The following TTLL5 variants were observed in gnomAD, a reference collection of about 807,000 sequenced individuals.
TTLL5 encodes the protein tubulin tyrosine ligase like 5, also known as tubulin polyglutamylase TTLL5.
TTLL5 carries 132 observed loss-of-function variants against 168.4 expected under a neutral mutation model. The ratio of observed to expected loss-of-function variants is 0.78; its 90% CI spans 0.68 to 0.91. The LOEUF (loss-of-function observed/expected upper bound fraction) is 0.91, where lower values mean the gene tolerates loss of function less well. Among genes scored for constraint, TTLL5 ranks in the 40% least tolerant of loss-of-function variants. The pLI is 0.00. For missense variants in TTLL5, 1,545 were observed against 1,581.5 expected, an observed-to-expected ratio of 0.98 and a Z score of 0.39; for synonymous variants, 546 against 558.6, an observed-to-expected ratio of 0.98 and a Z score of 0.32.
At chr14:75,869,789 A>G (rs2030858097) in intron 29 of TTLL5, among the ~76,000 whole-genome samples, 1 of 149,304 alleles carries the variant, frequency 6.7e-6, no homozygotes, top group Non-Finnish European at 1.5e-5. Flanking sequence ...TATTACATAA[A>G]TTCTAACTTG....
intron 26 of TTLL5, among the ~76,000 whole-genome samples, chr14:75,788,133 A>G (rs1892483803): frequency 6.6e-6 from 1 of 152,180 alleles, no homozygotes; most frequent in African/African-American, 2.4e-5. Context: ...AAATAAATAA[A>G]TAAATAAGTA....
chr14:75,690,391 T>TCCTCAAAAG, intron 6 of TTLL5, 69 bp downstream of exon 6: 1 of 1,521,446 alleles, frequency 6.6e-7, no homozygotes, highest in Admixed American at 2.4e-5. Context: ...CCCAAAAGCC[T>TCCTCAAAAG]CCTCAAGGTG....
In TTLL5 at chr14:75,792,959, A is replaced by G; in HGVS notation, c.3030A>G (p.Thr1010=). The change falls in exon 27 of 32, where the codon ACA becomes ACG. Residue 1010 remains threonine (T), a synonymous_variant. Transcript: ENST00000298832. ...AGCATCATTCAGGAATAGCCAAAAC[A>G]CAAAAAGAGGGAGAAGATGCTTCTT... is the stretch of plus-strand genomic sequence containing the variant. ...LNKHHSGIAK[T]QKEGEDASLY... is the part of the protein sequence containing the mutation. The G allele has an allele frequency of 1.2e-6, 2 of 1,612,282 alleles. No individual in the cohort carries two copies. Among genetic ancestry groups the G allele is most frequent in the Non-Finnish European group, 1.7e-6 (2 of 1,178,824 alleles).
At chr14:75,805,853 G>C (rs1893622951) in intron 27 of TTLL5, among the ~76,000 whole-genome samples, 1 of 151,976 alleles carries the variant, frequency 6.6e-6, no homozygotes. Flanking sequence ...TCTATGTCCA[G>C]GCAGTTGTCA....
intron 27 of TTLL5, among the ~76,000 whole-genome samples, chr14:75,794,293 TG>T (rs1892879920): frequency 6.6e-6 from 1 of 152,014 alleles, no homozygotes; most frequent in African/African-American, 2.4e-5. Flanking sequence ...TAAGATATGA[TG>T]GGAAGGAATT....
chr14:75,806,027 A>AT (rs1893633019), intron 27 of TTLL5, among the ~76,000 whole-genome samples: 1 of 146,604 alleles, frequency 6.8e-6, no homozygotes, highest in Admixed American at 6.8e-5. Flanking sequence ...GCTCTGAAAG[A>AT]TTCTTTTTTT....
intron 5 of TTLL5, among the ~76,000 whole-genome samples, chr14:75,687,190 C>A (rs1264446389): frequency 6.6e-6 from 1 of 152,168 alleles, no homozygotes; most frequent in African/African-American, 2.4e-5. Context: ...TAGACAAGAT[C>A]TTTGCAACCT....
intron 28 of TTLL5, among the ~76,000 whole-genome samples, chr14:75,853,402 T>C (rs563685466): frequency 6.6e-6 from 1 of 152,332 alleles, no homozygotes; most frequent in African/African-American, 2.4e-5. Context: ...ACCTCCTCAT[T>C]CTTCCTGTGG....
At chr14:75,720,153 C>A (rs542058177) in intron 11 of TTLL5, among the ~76,000 whole-genome samples, 1 of 152,120 alleles carries the variant, frequency 6.6e-6, no homozygotes, top group African/African-American at 2.4e-5. Context: ...CCCCAAGTTT[C>A]GAGTTTTCTA....
At chr14:75,769,112 T>C (rs1338784073) in intron 20 of TTLL5, among the ~76,000 whole-genome samples, 1 of 152,210 alleles carries the variant, frequency 6.6e-6, no homozygotes, top group African/African-American at 2.4e-5. Flanking sequence ...AGCAATAACA[T>C]TCTGCTTAGT....
intron 30 of TTLL5, among the ~76,000 whole-genome samples, chr14:75,885,389 G>A (rs1041160332): frequency 2.0e-5 from 3 of 151,924 alleles, no homozygotes; most frequent in East Asian, 1.9e-4. Context: ...CTACTTGGGC[G>A]GCTGAGGCAG....
intron 9 of TTLL5, chr14:75,709,353 G>A (rs762424675): frequency 3.3e-6 from 2 of 611,284 alleles, no homozygotes; most frequent in Admixed American, 2.6e-5. Context: ...ATCAGTGAGA[G>A]CAGACTAACC....
chr14:75,783,800 G>A (rs1892202860), intron 26 of TTLL5, among the ~76,000 whole-genome samples: 1 of 152,162 alleles, frequency 6.6e-6, no homozygotes, highest in East Asian at 1.9e-4. Context: ...CTACAGCCTA[G>A]TCAAGAGATT....
intron 26 of TTLL5, among the ~76,000 whole-genome samples, chr14:75,791,370 G>T (rs1252791332): frequency 6.6e-6 from 1 of 152,114 alleles, no homozygotes; most frequent in Non-Finnish European, 1.5e-5. Flanking sequence ...CAAGGAAAAT[G>T]AATGACTTTC....
chr14:75,685,269 C>T lies in TTLL5; in HGVS notation c.371+1613C>T, dbSNP rs138206651. The stretch of plus-strand genomic sequence containing the variant: ...ATGGTGGCATGTGCCTAGCAACTTG[C>T]GATGCTGAGGTGGGAGGATCACCTG... On this transcript the variant is annotated intron_variant, in intron 5 of 31. Coordinates refer to ENST00000298832, the MANE Select transcript of TTLL5 (RefSeq NM_015072.5). 1.0e-3 allele frequency among the ~76,000 whole-genome samples: 154 copies of T among 149,874 alleles called. 1 individual carries two copies. Among genetic ancestry groups the T allele is most frequent in the South Asian group, 7.9e-3 (37 of 4,706 alleles).
At position 75,764,744 on chromosome 14, in the gene TTLL5, A is replaced by C. The variant is rs759541989; in HGVS notation, c.1680A>C (p.Arg560Ser). ...EVRKRRRRSSRLRAMRPKYPV... is the reference protein window; with the variant it reads ...EVRKRRRRSSSLRAMRPKYPV... ...GAAAACGTAGACGACGGAGTAGCAG[A>C]TTGAGGGCAATGAGGCCAAAATACC... The change falls in exon 19 of 32, where the codon AGA (arginine) becomes AGC (serine). Residue 560 changes from arginine to serine, a missense_variant. By Grantham distance (110) the Arg-to-Ser change is moderately radical. Coordinates refer to ENST00000298832, the MANE Select transcript of TTLL5 (RefSeq NM_015072.5). 1.6e-5 allele frequency: 26 copies of C among 1,614,150 alleles called. No homozygotes were observed. The South Asian group carries it at 2.5e-4, about 16-fold the overall frequency.
At chr14:75,903,363 G>A (rs2033006605) in intron 31 of TTLL5, among the ~76,000 whole-genome samples, 2 of 152,040 alleles carry the variant, frequency 1.3e-5, no homozygotes, top group Admixed American at 1.3e-4. Flanking sequence ...GCAAAGACCG[G>A]GGGGAAGTGA....
intron 27 of TTLL5, among the ~76,000 whole-genome samples, chr14:75,807,471 C>T (rs1022347409): frequency 3.3e-5 from 5 of 152,180 alleles, no homozygotes; most frequent in Non-Finnish European, 5.9e-5. Context: ...TAACACCATA[C>T]CTGCCCTTCA....
At chr14:75,782,674 T>A in intron 25 of TTLL5, 101 bp downstream of exon 25, 1 of 930,786 alleles carries the variant, frequency 1.1e-6, no homozygotes, top group Non-Finnish European at 1.6e-6. Context: ...CATGGAACAT[T>A]ACCCCAAAGA....
Sources: allele counts gnomAD v4.1 joint callset (sites outside exome capture counted in the v4.1 genomes callset), GRCh38; gene constraint gnomAD v4.1.1; transcripts MANE v1.5; gene names NCBI Gene and HGNC (gene_info 2026-07-23, HGNC 2026-07-21).